POT1: variants seen among roughly 807,000 people sequenced by gnomAD.
POT1 encodes the protein protection of telomeres protein 1.
A neutral mutation model predicts 78.5 loss-of-function variants in POT1; 47 were observed. The ratio of observed to expected loss-of-function variants is 0.60; its 90% CI spans 0.47 to 0.76. POT1 has a LOEUF of 0.76. Ranked by LOEUF, POT1 falls within the 30% of genes least tolerant of loss-of-function variation. POT1 has a pLI of 0.00. For missense variants in POT1, 646 were observed against 749.9 expected (o/e 0.86, Z 1.62); for synonymous variants, 259 against 260.7 (o/e 0.99, Z 0.06).
At chr7:124,899,704 G>A (rs1366523029) in intron 3 of POT1, among the ~76,000 whole-genome samples, 1 of 151,348 alleles carries the variant, frequency 6.6e-6, no homozygotes, top group African/African-American at 2.4e-5. Flanking sequence ...CAGAAGTAGG[G>A]AAGCCAACAG....
chr7:124,826,600 G>A (rs554270935), intron 17 of POT1, among the ~76,000 whole-genome samples: 12 of 152,256 alleles, frequency 7.9e-5, no homozygotes, highest in Admixed American at 5.9e-4. Context: ...GGCTGGGCAC[G>A]GTGGCTCACG....
chr7:124,912,772 T>A (rs1584523802), intron 3 of POT1, among the ~76,000 whole-genome samples: 1 of 152,148 alleles, frequency 6.6e-6, no homozygotes, highest in Non-Finnish European at 1.5e-5. Context: ...GTATTCAGAG[T>A]AATATTTCAA....
chr7:124,832,008 A>ATG (rs1554417206), intron 15 of POT1, among the ~76,000 whole-genome samples: 1 of 62,718 alleles, frequency 1.6e-5, no homozygotes, highest in Non-Finnish European at 3.8e-5. Context: ...ATAAAAAAAA[A>ATG]AAAAAAAAAA....
intron 7 of POT1, among the ~76,000 whole-genome samples, chr7:124,865,235 TTC>T (rs1795691843): frequency 6.6e-6 from 1 of 152,164 alleles, no homozygotes; most frequent in African/African-American, 2.4e-5. Context: ...TTCAAGATTT[TTC>T]TCTTTCTCAA....
chr7:124,870,118 A>G (rs1274692831), intron 7 of POT1, among the ~76,000 whole-genome samples: 1 of 152,172 alleles, frequency 6.6e-6, no homozygotes, highest in Non-Finnish European at 1.5e-5. Context: ...AACAGAGGAA[A>G]AGATGAAGAA....
chr7:124,898,112 A>G (rs1031064925), intron 4 of POT1, 149 bp downstream of exon 4: 1 of 151,974 alleles, frequency 6.6e-6, no homozygotes, highest in African/African-American at 2.4e-5. Context: ...AGAAAAAAAA[A>G]CTTCTATTTT....
chr7:124,885,235 T>G (rs913040594), intron 6 of POT1, among the ~76,000 whole-genome samples: 1 of 142,158 alleles, frequency 7.0e-6, no homozygotes, highest in African/African-American at 2.7e-5. Flanking sequence ...GCAGAAGGAC[T>G]GCTTGAGACC....
chr7:124,833,614 G>T (rs1048566992), intron 15 of POT1, among the ~76,000 whole-genome samples: 2 of 152,074 alleles, frequency 1.3e-5, no homozygotes, highest in African/African-American at 4.8e-5. Context: ...GTAATTTAGT[G>T]GCTCAGAAAT....
chr7:124,857,045 GTTGTT>G (rs1197916857), intron 9 of POT1, among the ~76,000 whole-genome samples: 1 of 152,032 alleles, frequency 6.6e-6, no homozygotes, highest in Non-Finnish European at 1.5e-5. Context: ...TTGGTTTGTT[GTTGTT>G]TTGTTTTCTA....
chr7:124,877,075 T>A (rs1796006593), intron 6 of POT1, among the ~76,000 whole-genome samples: 1 of 152,138 alleles, frequency 6.6e-6, no homozygotes, highest in African/African-American at 2.4e-5. Flanking sequence ...TCACACCAAG[T>A]CACATAATTG....
At chr7:124,888,247 A>G (rs1242071643) in intron 6 of POT1, among the ~76,000 whole-genome samples, 2 of 151,988 alleles carry the variant, frequency 1.3e-5, no homozygotes, top group African/African-American at 4.8e-5. Flanking sequence ...ATATTCTTGC[A>G]CCCTTGTCGA....
intron 6 of POT1, among the ~76,000 whole-genome samples, chr7:124,874,602 G>A (rs964334383): frequency 6.6e-6 from 1 of 151,930 alleles, no homozygotes; most frequent in African/African-American, 2.4e-5. Context: ...GGTGGTAGTG[G>A]TGCTCTCCTG....
chr7:124,865,768 G>A (rs1034210475), intron 7 of POT1, among the ~76,000 whole-genome samples: 4 of 151,778 alleles, frequency 2.6e-5, no homozygotes, highest in African/African-American at 7.3e-5. Context: ...ATGCAGTGGT[G>A]TAATAATATT....
intron 14 of POT1, among the ~76,000 whole-genome samples, 183 bp from the exon 15 acceptor site, chr7:124,835,597 T>C (rs746681308): frequency 1.2e-4 from 19 of 152,168 alleles, no homozygotes; most frequent in African/African-American, 2.4e-4. Context: ...AAAAAATCAA[T>C]GCACAAAAAT....
chr7:124,845,053 C>T (rs1461347368), intron 12 of POT1, among the ~76,000 whole-genome samples: 1 of 152,164 alleles, frequency 6.6e-6, no homozygotes, highest in Non-Finnish European at 1.5e-5. Flanking sequence ...CTCCTTTCCT[C>T]TAAATCCTCC....
chr7:124,840,800 G>A (rs961360702), intron 14 of POT1, 173 bp downstream of exon 14: 3 of 461,892 alleles, frequency 6.5e-6, no homozygotes, highest in Non-Finnish European at 1.1e-5. Context: ...ATTTATGAAC[G>A]TGTGCTTATA....
chr7:124,925,393 T>C (rs192122277), intron 2 of POT1, among the ~76,000 whole-genome samples: 125 of 152,070 alleles, frequency 8.2e-4, no homozygotes, highest in Non-Finnish European at 1.5e-3. Context: ...CCTAGGAATA[T>C]ATTTAACTAA....
At chr7:124,916,769 A>T (rs182521389) in intron 2 of POT1, among the ~76,000 whole-genome samples, 1 of 152,316 alleles carries the variant, frequency 6.6e-6, no homozygotes, top group East Asian at 1.9e-4. Flanking sequence ...GTATGGTGCA[A>T]TGAAAACACA....
chr7:124,907,601 A>AT (rs1796796706), intron 3 of POT1, among the ~76,000 whole-genome samples: 1 of 152,212 alleles, frequency 6.6e-6, no homozygotes, highest in Non-Finnish European at 1.5e-5. Context: ...GTCAAAATAC[A>AT]TTTTTCAAAA....
Sources: allele counts gnomAD v4.1 joint callset (sites outside exome capture counted in the v4.1 genomes callset), GRCh38; gene constraint gnomAD v4.1.1; transcripts MANE v1.5; gene names NCBI Gene and HGNC (gene_info 2026-07-23, HGNC 2026-07-21).